ANKRD55: variants seen among roughly 807,000 people sequenced by gnomAD.
ANKRD55 encodes the protein ankyrin repeat domain 55.
In ANKRD55, 41 loss-of-function variants were observed where a neutral mutation model predicts 60.6. The ratio of observed to expected loss-of-function variants is 0.68; its 90% CI spans 0.53 to 0.88. The LOEUF (loss-of-function observed/expected upper bound fraction) is 0.88, where lower values mean the gene tolerates loss of function less well. ANKRD55 is among the 40% of genes least tolerant of loss of function. The pLI is 0.00. For synonymous variants in ANKRD55, 264 were observed against 290.3 expected (o/e 0.91, Z 0.92); for missense variants, 732 against 767.6 (o/e 0.95, Z 0.55).
chr5:56,198,484 C>T (rs1759279454), intron 2 of ANKRD55, among the ~76,000 whole-genome samples: 1 of 151,806 alleles, frequency 6.6e-6, no homozygotes, highest in Admixed American at 6.6e-5. Context: ...GGGGTTTCAC[C>T]ATGTTGGTCA....
intron 2 of ANKRD55, among the ~76,000 whole-genome samples, chr5:56,223,968 A>G (rs1581032756): frequency 2.0e-5 from 3 of 152,336 alleles, no homozygotes; most frequent in Admixed American, 6.5e-5. Context: ...AATTGAACTC[A>G]GCTCTGCACC....
chr5:56,183,521 C>T lies in ANKRD55; in HGVS notation c.172G>A (p.Asp58Asn). 1 of 1,614,118 alleles carries T rather than the reference C, an allele frequency of 6.2e-7. No homozygotes were observed. Among genetic ancestry groups the T allele is most frequent in the Non-Finnish European group, 8.5e-7 (1 of 1,180,002 alleles). Residue 58 changes from aspartate to asparagine, a missense_variant, in exon 3 of 12, where the codon GAC (aspartate) becomes AAC (asparagine). This residue lies in a region of ANKRD55 where 131 missense variants were observed against 142.7 expected (regional missense o/e 0.92). Transcript: ENST00000341048. The stretch of plus-strand genomic sequence containing the variant: ...TGCATACATATCTCACCTTCACTGT[C>T]ACAGCATTCTAGGATAGAAGGGTCT... ...REDPSILECC[D>N]SEGCTPLMHA...
intron 10 of ANKRD55, 27 bp from the exon 11 acceptor site, chr5:56,102,613 T>C (rs768038435): frequency 6.5e-7 from 1 of 1,538,838 alleles, no homozygotes; most frequent in Non-Finnish European, 9.0e-7. Flanking sequence ...TTGCATCAAT[T>C]ACTTGAGACT....
chr5:56,208,988 C>T (rs1015241445), intron 2 of ANKRD55, among the ~76,000 whole-genome samples: 2 of 151,508 alleles, frequency 1.3e-5, no homozygotes, highest in Non-Finnish European at 2.9e-5. Context: ...GTCAGAGTCT[C>T]GCTCTGTCAC....
intron 5 of ANKRD55, among the ~76,000 whole-genome samples, chr5:56,164,478 T>C (rs1009315558): frequency 6.6e-6 from 1 of 152,128 alleles, no homozygotes; most frequent in East Asian, 1.9e-4. Context: ...TCCCTTGGGC[T>C]GCAGTCAAGA....
In ANKRD55 at chr5:56,111,179, C is replaced by A; in HGVS notation, c.1569G>T (p.Arg523=). The A allele has an allele frequency of 6.2e-7, 1 of 1,614,130 alleles. No homozygotes were observed. Among genetic ancestry groups the A allele is most frequent in the Non-Finnish European group, 8.5e-7 (1 of 1,180,010 alleles). The change falls in exon 10 of 12, where the codon CGG becomes CGT. Residue 523 remains arginine, a synonymous_variant. Coordinates refer to ENST00000341048, the MANE Select transcript of ANKRD55 (RefSeq NM_024669.3). ...DKLLDRLLSV[R]PGHQEVSVPP... ...GCACGGAGACCTCTTGGTGACCAGG[C>A]CGGACACTGAGCAATCTGTCCAGCA...
At chr5:56,188,876 T>C (rs1364434786) in intron 2 of ANKRD55, among the ~76,000 whole-genome samples, 1 of 152,200 alleles carries the variant, frequency 6.6e-6, no homozygotes, top group Non-Finnish European at 1.5e-5. Flanking sequence ...AGCTGGAAAA[T>C]TAGCTCTATA....
At chr5:56,220,804 CTCCA>C (rs1377851626) in intron 2 of ANKRD55, among the ~76,000 whole-genome samples, 2 of 152,076 alleles carry the variant, frequency 1.3e-5, no homozygotes, top group Non-Finnish European at 2.9e-5. Flanking sequence ...CAGAGTGAGA[CTCCA>C]TCTCAAAAAA....
intron 2 of ANKRD55, among the ~76,000 whole-genome samples, chr5:56,227,829 A>G (rs1334160117): frequency 6.6e-6 from 1 of 152,184 alleles, no homozygotes; most frequent in Non-Finnish European, 1.5e-5. Flanking sequence ...TATATGAGCT[A>G]GTCTGTGTGC....
At chr5:56,136,803 C>T (rs1757611205) in intron 7 of ANKRD55, among the ~76,000 whole-genome samples, 1 of 151,842 alleles carries the variant, frequency 6.6e-6, no homozygotes, top group Non-Finnish European at 1.5e-5. Flanking sequence ...TGCCTATAGT[C>T]CCAGGTACTC....
In ANKRD55 at chr5:56,193,394, C is replaced by T; in HGVS notation, c.59-9760G>A. The T allele has an allele frequency of 4.7e-6, 3 of 636,018 alleles. No homozygotes were observed. In the South Asian group the frequency reaches 4.9e-5, roughly 10 times the overall value. The allele number at this position is 636,018 out of a possible 1,614,324, so 39.4% of individuals were successfully genotyped here. A position where few individuals can be genotyped will look rare whatever the true frequency, so the allele number is the denominator to read the frequency against. ...TTTAATAAAGGTTATCTACCTAGAACCTTTTGGTACTGGAATTACAACTAT... is the reference window on the plus strand; with the variant it reads ...TTTAATAAAGGTTATCTACCTAGAATCTTTTGGTACTGGAATTACAACTAT... On this transcript the variant is annotated intron_variant, in intron 2 of 11. Transcript: ENST00000341048.
At chr5:56,178,575 C>T (rs1463773982) in intron 3 of ANKRD55, among the ~76,000 whole-genome samples, 2 of 150,806 alleles carry the variant, frequency 1.3e-5, no homozygotes, top group African/African-American at 2.4e-5. Context: ...AAAAGGTCTT[C>T]CTTAAACAAA....
intron 9 of ANKRD55, among the ~76,000 whole-genome samples, chr5:56,112,511 A>AAAAC (rs1554036585): frequency 3.7e-5 from 3 of 81,528 alleles, no homozygotes; most frequent in African/African-American, 1.6e-4. Context: ...TAGCAAAAAA[A>AAAAC]AAAAAAAAAA....
chr5:56,159,401 C>T (rs893150212), intron 6 of ANKRD55, among the ~76,000 whole-genome samples: 6 of 151,462 alleles, frequency 4.0e-5, no homozygotes, highest in African/African-American at 1.2e-4. Flanking sequence ...GCGGGGGTTG[C>T]GGTGAGCCAA....
chr5:56,139,991 C>T (rs1317465699), intron 7 of ANKRD55, among the ~76,000 whole-genome samples: 3 of 152,110 alleles, frequency 2.0e-5, no homozygotes, highest in Non-Finnish European at 4.4e-5. Flanking sequence ...TTGCTTGAGC[C>T]CAGGGTAAAA....
chr5:56,127,649 C>T (rs1436398001), intron 7 of ANKRD55: 9 of 818,372 alleles, frequency 1.1e-5, no homozygotes, highest in African/African-American at 1.9e-5. Flanking sequence ...GGAAGCAGAA[C>T]TGTCTGAGCA....
At chr5:56,187,486 A>G (rs979861435) in intron 2 of ANKRD55, among the ~76,000 whole-genome samples, 6 of 152,168 alleles carry the variant, frequency 3.9e-5, no homozygotes, top group Non-Finnish European at 2.9e-5. Context: ...AAATCTTGCA[A>G]CTGCACACTC....
chr5:56,221,282 G>T lies in ANKRD55; in HGVS notation c.58+11574C>A, dbSNP rs140770446. 9.3e-4 allele frequency among the ~76,000 whole-genome samples: 142 copies of T among 152,284 alleles called. 3 individuals carry two copies. In the Middle Eastern group the frequency reaches 0.027, roughly 29 times the overall value. ...TTGTCATGCCAGATTTTTAACTTTT[G>T]CTTTTTCAGCAAAGCACAGATCTTT... On this transcript the variant is annotated intron_variant, in intron 2 of 11. Coordinates refer to ENST00000341048, the MANE Select transcript of ANKRD55 (RefSeq NM_024669.3).
intron 5 of ANKRD55, among the ~76,000 whole-genome samples, chr5:56,167,229 T>C (rs546982427): frequency 1.5e-3 from 226 of 152,336 alleles, no homozygotes; most frequent in African/African-American, 5.1e-3. Flanking sequence ...CAAACCTAGA[T>C]GGTAGAGCGT....
Sources: gnomAD v4.1 joint callset for allele counts (sites outside exome capture counted in the v4.1 genomes callset) on GRCh38, gnomAD v4.1.1 for gene constraint, gnomAD v4.1.1 regional missense constraint, MANE v1.5 for transcripts, NCBI Gene and HGNC (gene_info 2026-07-23, HGNC 2026-07-21) for gene names.